Variants in SHTN1 observed in about 807,000 individuals in gnomAD.
The protein encoded by SHTN1 is shootin-1.
In SHTN1, 42 loss-of-function variants were observed where a neutral mutation model predicts 83.1. The ratio of observed to expected loss-of-function variants is 0.51; its 90% CI spans 0.39 to 0.65. SHTN1 has a LOEUF of 0.65. SHTN1 is among the 30% of genes least tolerant of loss of function. The probability of loss-of-function intolerance (pLI) is 0.00; values close to 1 mark genes in which losing one functional copy is unlikely to be tolerated. For missense variants in SHTN1, 622 were observed against 737.8 expected (o/e 0.84, Z 1.82); for synonymous variants, 224 against 247.7 (o/e 0.90, Z 0.90).
chr10:116,932,203 C>A (rs1035394659), intron 9 of SHTN1, among the ~76,000 whole-genome samples: 1 of 152,162 alleles, frequency 6.6e-6, no homozygotes, highest in African/African-American at 2.4e-5. Context: ...TACTCTAGAG[C>A]AGGGTTCCCC....
At chr10:116,936,637 A>G (rs1293109825) in intron 9 of SHTN1, among the ~76,000 whole-genome samples, 1 of 152,160 alleles carries the variant, frequency 6.6e-6, no homozygotes, top group African/African-American at 2.4e-5. Context: ...AAGAATATAT[A>G]TTCTGTTGAT....
At chr10:117,086,957 G>C (rs1853361054) in intron 1 of SHTN1, among the ~76,000 whole-genome samples, 1 of 152,156 alleles carries the variant, frequency 6.6e-6, no homozygotes, top group South Asian at 2.1e-4. Context: ...GCTGCAACAT[G>C]AATGAGCCCT....
At chr10:116,916,903 A>G (rs1292290537) in intron 12 of SHTN1, among the ~76,000 whole-genome samples, 1 of 152,234 alleles carries the variant, frequency 6.6e-6, no homozygotes, top group Non-Finnish European at 1.5e-5. Context: ...AAACCTCTCA[A>G]CATCTAAACA....
At chr10:116,913,934 C>T (rs1848293146) in intron 13 of SHTN1, among the ~76,000 whole-genome samples, 1 of 152,240 alleles carries the variant, frequency 6.6e-6, no homozygotes, top group Admixed American at 6.5e-5. Context: ...GATCATTCTA[C>T]ACACTCAGCT....
chr10:116,926,604 G>A (rs17095431), intron 11 of SHTN1, among the ~76,000 whole-genome samples: 399 of 152,120 alleles, frequency 2.6e-3, no homozygotes, highest in African/African-American at 9.1e-3. Context: ...TTGTGTGGGA[G>A]GAACATGCTA....
At chr10:116,999,108 C>T (rs1023341393) in intron 1 of SHTN1, among the ~76,000 whole-genome samples, 34 of 152,044 alleles carry the variant, frequency 2.2e-4, no homozygotes, top group African/African-American at 6.0e-4. Flanking sequence ...GGATTATACG[C>T]GTGAGCCAAC....
intron 3 of SHTN1, 62 bp downstream of exon 3, chr10:116,968,590 T>G: frequency 8.4e-7 from 1 of 1,194,686 alleles, no homozygotes; most frequent in Non-Finnish European, 1.2e-6. Flanking sequence ...GGTATAAGTC[T>G]ACTCACATAA....
At chr10:116,973,469 T>A (rs948382319) in intron 2 of SHTN1, among the ~76,000 whole-genome samples, 2 of 152,184 alleles carry the variant, frequency 1.3e-5, no homozygotes, top group Admixed American at 6.5e-5. Context: ...ACTATAATCA[T>A]TGAATGTCAT....
At chr10:116,983,349 T>G (rs1564913265) in intron 1 of SHTN1, among the ~76,000 whole-genome samples, 2 of 152,302 alleles carry the variant, frequency 1.3e-5, no homozygotes, top group East Asian at 3.9e-4. Context: ...TCAAATTCTG[T>G]GTTTATGACA....
At chr10:117,003,070 C>A (rs1287942948) in intron 1 of SHTN1, among the ~76,000 whole-genome samples, 2 of 151,862 alleles carry the variant, frequency 1.3e-5, no homozygotes, top group Non-Finnish European at 2.9e-5. Flanking sequence ...GTTAATCGAC[C>A]CTTGATTATA....
chr10:116,899,374 C>T (rs1847638549), intron 16 of SHTN1, among the ~76,000 whole-genome samples: 1 of 152,006 alleles, frequency 6.6e-6, no homozygotes, highest in African/African-American at 2.4e-5. Flanking sequence ...GCAACACATC[C>T]ATGGAGGCAA....
intron 1 of SHTN1, among the ~76,000 whole-genome samples, 162 bp downstream of exon 1, chr10:117,004,860 G>C (rs1395868544): frequency 1.3e-5 from 2 of 152,170 alleles, no homozygotes; most frequent in East Asian, 3.9e-4. Context: ...CAGGCGCGCC[G>C]GCCACGGAGG....
At chr10:117,021,878 T>C (rs1246379713) in intron 2 of SHTN1, among the ~76,000 whole-genome samples, 1 of 152,230 alleles carries the variant, frequency 6.6e-6, no homozygotes, top group Non-Finnish European at 1.5e-5. Flanking sequence ...AGCTAGGGAA[T>C]AGGACCCGGT....
chr10:116,957,237 G>T (rs922063008), intron 4 of SHTN1, among the ~76,000 whole-genome samples: 1 of 150,984 alleles, frequency 6.6e-6, no homozygotes, highest in African/African-American at 2.4e-5. Flanking sequence ...TATGTCTAAG[G>T]CAAAAATATA....
intron 1 of SHTN1, among the ~76,000 whole-genome samples, chr10:116,991,945 C>T (rs1242962534): frequency 6.6e-6 from 1 of 152,068 alleles, no homozygotes; most frequent in African/African-American, 2.4e-5. Flanking sequence ...AGTTCAAGAC[C>T]AGCCTGAGCA....
At chr10:117,041,386 T>A (rs1852581870) in intron 2 of SHTN1, among the ~76,000 whole-genome samples, 1 of 152,158 alleles carries the variant, frequency 6.6e-6, no homozygotes, top group Non-Finnish European at 1.5e-5. Context: ...TCTTCAATGC[T>A]GAAGAAAAAC....
intron 1 of SHTN1, among the ~76,000 whole-genome samples, chr10:116,998,198 A>G (rs991825394): frequency 4.6e-5 from 7 of 152,240 alleles, no homozygotes; most frequent in African/African-American, 1.7e-4. Flanking sequence ...TCATTTATTT[A>G]TATCAGTATC....
intron 1 of SHTN1, among the ~76,000 whole-genome samples, chr10:117,073,306 C>T (rs1008318855): frequency 6.6e-5 from 10 of 152,166 alleles, no homozygotes; most frequent in Non-Finnish European, 1.3e-4. Context: ...ACTACAAAAA[C>T]GGCAAGCATT....
intron 3 of SHTN1, among the ~76,000 whole-genome samples, chr10:116,963,123 G>A (rs548905576): frequency 0.011 from 1,273 of 118,498 alleles, 19 homozygotes; most frequent in African/African-American, 0.04. Flanking sequence ...CCAGGCTGGA[G>A]TGCAGTGGCG....
Sources: allele counts gnomAD v4.1 joint callset (sites outside exome capture counted in the v4.1 genomes callset), GRCh38; gene constraint gnomAD v4.1.1; transcripts MANE v1.5; gene names NCBI Gene and HGNC (gene_info 2026-07-23, HGNC 2026-07-21).